The following PLXDC1 variants were observed in gnomAD, a reference collection of about 807,000 sequenced individuals.
PLXDC1 encodes the protein plexin domain-containing protein 1.
Under a neutral mutation model 61.3 loss-of-function variants are expected in PLXDC1, and 39 were observed. The ratio of observed to expected loss-of-function variants is 0.64; its 90% confidence interval spans 0.49 to 0.83. The LOEUF (loss-of-function observed/expected upper bound fraction) is 0.83, where lower values mean the gene tolerates loss of function less well. PLXDC1 is among the 40% of genes least tolerant of loss of function. The probability of loss-of-function intolerance (pLI) is 0.00; values close to 1 mark genes in which losing one functional copy is unlikely to be tolerated. For synonymous variants in PLXDC1, 212 were observed against 254.5 expected, an observed-to-expected ratio of 0.83 and a Z score of 1.59; for missense variants, 596 against 666.5, an observed-to-expected ratio of 0.89 and a Z score of 1.17.
chr17:39,129,542 G>T (rs540292671), intron 2 of PLXDC1, among the ~76,000 whole-genome samples: 1 of 145,494 alleles, frequency 6.9e-6, no homozygotes, highest in African/African-American at 2.6e-5. Flanking sequence ...GTTTGAACCC[G>T]GGAGGCGGAG....
rs970080326 is a variant in PLXDC1, at chr17:39,151,095, C to G, written c.76+267G>C. ...TTTCAGAGCCCATGGCCACATAGAGCCCCCTCTCCTAAGGTCCCTCCAGTA... is the reference window on the plus strand; with the variant it reads ...TTTCAGAGCCCATGGCCACATAGAGGCCCCTCTCCTAAGGTCCCTCCAGTA... On this transcript the variant is annotated intron_variant, in intron 1 of 13. Coordinates refer to ENST00000315392, the MANE Select transcript of PLXDC1 (RefSeq NM_020405.5). This position sits in a 1 kb window ranked among gnomAD's most constrained non-coding sequence, Gnocchi z 5.2. Among the ~76,000 whole-genome samples the G allele has an allele frequency of 3.3e-5, 5 of 152,184 alleles. No individual in the cohort carries two copies. The highest frequency in any genetic ancestry group is 6.5e-5 in the Admixed American group (1 of 15,284).
At chr17:39,152,846 G>C, upstream of PLXDC1, 1 of 495,258 alleles carries the variant, frequency 2.0e-6, no homozygotes, top group Non-Finnish European at 3.2e-6. Flanking sequence ...TAATCTCTTA[G>C]AACGCCGGTT....
intron 7 of PLXDC1, among the ~76,000 whole-genome samples, chr17:39,092,468 A>T (rs1909992485): frequency 6.6e-6 from 1 of 152,234 alleles, no homozygotes; most frequent in African/African-American, 2.4e-5. Flanking sequence ...ACCATGCAGC[A>T]CATTTGTTGA....
chr17:39,096,380 G>A (rs1225797930), intron 7 of PLXDC1, among the ~76,000 whole-genome samples: 2 of 152,108 alleles, frequency 1.3e-5, no homozygotes, highest in Non-Finnish European at 2.9e-5. Context: ...GCCCCCAGAT[G>A]GATTAAAAAC....
chr17:39,072,524 A>G, intron 11 of PLXDC1, 39 bp from the exon 12 acceptor site: 2 of 1,253,286 alleles, frequency 1.6e-6, no homozygotes, highest in Non-Finnish European at 2.3e-6. Context: ...GATTAGTGGA[A>G]TCATTACAGC....
intron 11 of PLXDC1, chr17:39,073,305 G>A (rs1909196936): frequency 6.6e-6 from 1 of 152,198 alleles, no homozygotes; most frequent in East Asian, 1.9e-4. Context: ...GGGATTACAG[G>A]CGAGAGCCAC....
chr17:39,079,516 G>A (rs1451645025), intron 9 of PLXDC1: 1 of 462,756 alleles, frequency 2.2e-6, no homozygotes, highest in Non-Finnish European at 4.3e-6. Flanking sequence ...TTTCATCCTG[G>A]TTGTTGAGGG....
upstream of PLXDC1, chr17:39,152,604 G>A: frequency 8.0e-7 from 1 of 1,250,878 alleles, no homozygotes; most frequent in South Asian, 3.2e-5. Flanking sequence ...GGGTGAGGGG[G>A]CATCCTGGCT....
chr17:39,124,422 A>C (rs566749469), intron 2 of PLXDC1, among the ~76,000 whole-genome samples: 1 of 152,282 alleles, frequency 6.6e-6, no homozygotes, highest in East Asian at 1.9e-4. Flanking sequence ...GGGAGCCTCC[A>C]TCTCTACAAA....
At chr17:39,118,022 C>A (rs1014689478) in intron 2 of PLXDC1, among the ~76,000 whole-genome samples, 8 of 152,078 alleles carry the variant, frequency 5.3e-5, no homozygotes, top group Non-Finnish European at 1.0e-4. Context: ...TGCCACCTAC[C>A]CGCGGCGTTC....
At chr17:39,088,102 C>T (rs1302750444) in intron 7 of PLXDC1, among the ~76,000 whole-genome samples, 1 of 152,214 alleles carries the variant, frequency 6.6e-6, no homozygotes, top group Non-Finnish European at 1.5e-5. Flanking sequence ...GGCCAGCTCC[C>T]TCCTCTGCCT....
At chr17:39,076,887 G>C (rs4795345) in intron 11 of PLXDC1, among the ~76,000 whole-genome samples, 135,316 of 152,070 alleles carry the variant, frequency 0.89, 60,758 homozygotes, top group African/African-American at 0.98. Flanking sequence ...AGGCGCCCAC[G>C]ACCATGCCCA....
intron 9 of PLXDC1, among the ~76,000 whole-genome samples, chr17:39,082,015 C>T (rs1389831814): frequency 6.6e-6 from 1 of 152,192 alleles, no homozygotes; most frequent in Non-Finnish European, 1.5e-5. Flanking sequence ...AATCACATGA[C>T]CCCAGCCCAT....
At chr17:39,076,527 C>T (rs1303172713) in intron 11 of PLXDC1, among the ~76,000 whole-genome samples, 1 of 149,764 alleles carries the variant, frequency 6.7e-6, no homozygotes, top group Non-Finnish European at 1.5e-5. Flanking sequence ...AAAAAAAAAT[C>T]CTAACATAGG....
intron 7 of PLXDC1, among the ~76,000 whole-genome samples, chr17:39,089,234 C>A (rs902708260): frequency 5.3e-5 from 8 of 152,226 alleles, no homozygotes; most frequent in African/African-American, 1.9e-4. Flanking sequence ...CCATCTTCTT[C>A]CATGATCCTG....
At chr17:39,085,769 G>C (rs1909718453) in intron 8 of PLXDC1, among the ~76,000 whole-genome samples, 1 of 152,170 alleles carries the variant, frequency 6.6e-6, no homozygotes, top group Admixed American at 6.5e-5. Context: ...TAAGGGAGAA[G>C]CCAGGGGATA....
chr17:39,114,506 G>A (rs939512917), intron 2 of PLXDC1, among the ~76,000 whole-genome samples: 4 of 152,144 alleles, frequency 2.6e-5, no homozygotes, highest in African/African-American at 9.7e-5. Flanking sequence ...AATTTACTTG[G>A]ATTTTATACA....
rs748375778 is a variant in PLXDC1 at position 39,105,861 on chromosome 17, A to C, written c.804T>G (p.Asp268Glu). 3.7e-6 allele frequency: 6 copies of C among 1,611,416 alleles called. No homozygotes were observed. The Admixed American group carries it at 1.0e-4, about 27-fold the overall frequency. ...DAFMILNPSP[D>E]VPESRRRSIF... ...GGGTCCCTGAAGACTCACCTGGCACATCCGGGGATGGATTGAGAATCATGA... is the reference window on the plus strand; with the variant it reads ...GGGTCCCTGAAGACTCACCTGGCACCTCCGGGGATGGATTGAGAATCATGA... The change falls in exon 7 of 14, where the codon GAT becomes GAG. Residue 268 changes from aspartate to glutamate, a missense_variant. Physicochemically the swap from Asp to Glu is conservative, Grantham distance 45. Coordinates refer to ENST00000315392, the MANE Select transcript of PLXDC1 (RefSeq NM_020405.5).
At chr17:39,076,339 T>A (rs1909333617) in intron 11 of PLXDC1, among the ~76,000 whole-genome samples, 1 of 150,934 alleles carries the variant, frequency 6.6e-6, no homozygotes, top group Admixed American at 6.6e-5. Context: ...TGAGACCTCA[T>A]CTCTACAAAA....
Sources: gnomAD v4.1 joint callset for allele counts (sites outside exome capture counted in the v4.1 genomes callset) on GRCh38, gnomAD v4.1.1 for gene constraint, Gnocchi (gnomAD v3.1) non-coding constraint, MANE v1.5 for transcripts, NCBI Gene and HGNC (gene_info 2026-07-23, HGNC 2026-07-21) for gene names.